The following CNTN1 variants were observed in gnomAD, a reference collection of about 807,000 sequenced individuals.
CNTN1 encodes the protein contactin-1.
CNTN1 carries 38 observed loss-of-function variants against 126.4 expected under a neutral mutation model. That is an observed-to-expected ratio of 0.30 (90% CI 0.23 to 0.39). The LOEUF is 0.39. Among genes scored for constraint, CNTN1 ranks in the 10% least tolerant of loss-of-function variants. The pLI is 1.00. For missense variants in CNTN1, 1,009 were observed against 1,248.4 expected (o/e 0.81, Z 2.89); for synonymous variants, 413 against 422.6 (o/e 0.98, Z 0.28).
intron 23 of CNTN1, among the ~76,000 whole-genome samples, chr12:41,056,973 A>C (rs1173709518): frequency 1.0e-5 from 1 of 95,728 alleles, no homozygotes; most frequent in Non-Finnish European, 2.0e-5. Flanking sequence ...AATATTATAA[A>C]TATTTAGATA....
intron 4 of CNTN1, among the ~76,000 whole-genome samples, chr12:40,922,015 C>CA (rs35205079): frequency 1.1e-3 from 164 of 151,788 alleles, no homozygotes; most frequent in African/African-American, 3.7e-3. Flanking sequence ...AGATACCTCA[C>CA]AAAAAAAAGA....
intron 1 of CNTN1, among the ~76,000 whole-genome samples, chr12:40,855,374 C>T (rs1230592009): frequency 2.0e-5 from 3 of 151,978 alleles, no homozygotes; most frequent in African/African-American, 7.2e-5. Context: ...TACCGAGATT[C>T]AATGCTCGTC....
chr12:40,904,295 G>A (rs1303071594), intron 1 of CNTN1, among the ~76,000 whole-genome samples: 1 of 152,080 alleles, frequency 6.6e-6, no homozygotes, highest in East Asian at 1.9e-4. Context: ...TGGATTACAG[G>A]CGTGAGCCAC....
chr12:40,985,880 C>T (rs145668398), intron 16 of CNTN1, among the ~76,000 whole-genome samples: 125 of 151,854 alleles, frequency 8.2e-4, no homozygotes, highest in Admixed American at 3.8e-3. Flanking sequence ...TGTGTGTGCA[C>T]GCACGCATGT....
At chr12:41,038,649 A>G (rs941575898) in intron 23 of CNTN1, among the ~76,000 whole-genome samples, 1 of 152,206 alleles carries the variant, frequency 6.6e-6, no homozygotes, top group Non-Finnish European at 1.5e-5. Flanking sequence ...GGTCATTGGT[A>G]GGTTCAAGAG....
At chr12:40,801,010 G>GTTTT (rs35813803) in intron 1 of CNTN1, among the ~76,000 whole-genome samples, 11,793 of 142,322 alleles carry the variant, frequency 0.083, 624 homozygotes, top group African/African-American at 0.12. Flanking sequence ...TCAAACTAGA[G>GTTTT]TTTTGTTTTT....
At chr12:40,887,000 G>A (rs146837971) in intron 1 of CNTN1, among the ~76,000 whole-genome samples, 3,141 of 152,210 alleles carry the variant, frequency 0.021, 105 homozygotes, top group African/African-American at 0.071. Flanking sequence ...GTCAGGTAGC[G>A]TGATGCCTCT....
chr12:40,899,041 C>T (rs1390885059), intron 1 of CNTN1, among the ~76,000 whole-genome samples: 1 of 152,188 alleles, frequency 6.6e-6, no homozygotes, highest in East Asian at 1.9e-4. Context: ...GGGATTATTA[C>T]AGCACAGGAA....
In CNTN1 at chr12:40,712,410, C is replaced by CTATTT. The variant is rs552384488; in HGVS notation, c.-77+19840_-77+19844dup. 6.8e-4 allele frequency among the ~76,000 whole-genome samples: 104 copies of CTATTT among 152,088 alleles called. 1 individual carries two copies. In the South Asian group the frequency reaches 0.015, roughly 22 times the overall value. On this transcript the variant is annotated intron_variant, in intron 1 of 23. Coordinates refer to ENST00000551295, the MANE Select transcript of CNTN1 (RefSeq NM_001843.4). ...AGTAGAGGTTTCAAATGTGTATCTG[C>CTATTT]TATTTTATTTTATTTTATTTTATTT...
At chr12:41,020,463 T>A (rs769546094) in intron 20 of CNTN1, 23 bp downstream of exon 20, 1 of 1,389,088 alleles carries the variant, frequency 7.2e-7, no homozygotes, top group Admixed American at 1.7e-5. Flanking sequence ...TTTATCAAAC[T>A]AAATACATTT....
At chr12:40,958,996 AAC>A in intron 14 of CNTN1, 116 bp from the exon 15 acceptor site, 1 of 1,224,274 alleles carries the variant, frequency 8.2e-7, no homozygotes, top group Non-Finnish European at 1.2e-6. Flanking sequence ...GCATGTCTAA[AAC>A]ACATTCTTTA....
At chr12:40,816,176 G>C (rs1177297063) in intron 1 of CNTN1, among the ~76,000 whole-genome samples, 4 of 152,160 alleles carry the variant, frequency 2.6e-5, no homozygotes, top group African/African-American at 9.7e-5. Flanking sequence ...AAATGAGTTA[G>C]GGAGGAGTCC....
At chr12:40,868,303 A>C (rs984262525) in intron 1 of CNTN1, among the ~76,000 whole-genome samples, 1 of 152,134 alleles carries the variant, frequency 6.6e-6, no homozygotes, top group African/African-American at 2.4e-5. Context: ...TTTAATTTGG[A>C]TGAAAATTTG....
At chr12:40,881,568 A>T (rs1356994564) in intron 1 of CNTN1, among the ~76,000 whole-genome samples, 8 of 151,904 alleles carry the variant, frequency 5.3e-5, no homozygotes, top group Non-Finnish European at 1.5e-5. Flanking sequence ...ATAAATATTG[A>T]CTACTCCAGT....
At chr12:40,740,377 A>T (rs191308238) in intron 1 of CNTN1, among the ~76,000 whole-genome samples, 10 of 152,154 alleles carry the variant, frequency 6.6e-5, no homozygotes, top group Non-Finnish European at 1.5e-4. Context: ...TTCTTCTGGA[A>T]ATTATAGTAA....
At chr12:41,020,312 A>G (rs1252880618) in intron 19 of CNTN1, 25 bp from the exon 20 acceptor site, 17 of 1,417,422 alleles carry the variant, frequency 1.2e-5, no homozygotes, top group Non-Finnish European at 1.7e-5. Flanking sequence ...CTCACTAATA[A>G]TATAATGTTC....
rs148795097 is a variant in CNTN1 at position 40,794,771 on chromosome 12, G to A, written c.-77+102179G>A. The stretch of plus-strand genomic sequence containing the variant: ...CATTGGGAAGGAGTGATTGGGAAAG[G>A]CTTCTCAAACAGAATAAACTTGAAA... On this transcript the variant is annotated intron_variant, in intron 1 of 23. Coordinates refer to ENST00000551295, the MANE Select transcript of CNTN1 (RefSeq NM_001843.4). 3.3e-5 allele frequency among the ~76,000 whole-genome samples: 5 copies of A among 152,160 alleles called. No individual in the cohort carries two copies. In the East Asian group the frequency reaches 9.7e-4, roughly 30 times the overall value.
chr12:40,883,798 C>T (rs1188658156), intron 1 of CNTN1, among the ~76,000 whole-genome samples: 1 of 151,520 alleles, frequency 6.6e-6, no homozygotes, highest in East Asian at 1.9e-4. Context: ...ACCACAACTT[C>T]CAGGAATTCT....
intron 1 of CNTN1, among the ~76,000 whole-genome samples, chr12:40,734,185 T>A (rs564654753): frequency 6.6e-6 from 1 of 152,042 alleles, no homozygotes; most frequent in Non-Finnish European, 1.5e-5. Context: ...TACAAAACAA[T>A]TGGAGTCCAC....
Sources: gnomAD v4.1 joint callset for allele counts (sites outside exome capture counted in the v4.1 genomes callset) on GRCh38, gnomAD v4.1.1 for gene constraint, MANE v1.5 for transcripts, NCBI Gene and HGNC (gene_info 2026-07-23, HGNC 2026-07-21) for gene names.